The following PLCH2 variants were observed in gnomAD, a reference collection of about 807,000 sequenced individuals.
PLCH2 encodes 1-phosphatidylinositol 4,5-bisphosphate phosphodiesterase eta-2.
A neutral mutation model predicts 134.7 loss-of-function variants in PLCH2; 98 were observed. The observed-to-expected ratio is 0.73, with a 90% CI of 0.62 to 0.86. The LOEUF (loss-of-function observed/expected upper bound fraction) is 0.86. Among genes scored for constraint, PLCH2 ranks in the 40% least tolerant of loss-of-function variants. PLCH2 has a pLI of 0.00. For synonymous variants in PLCH2, 974 were observed against 827.5 expected, an observed-to-expected ratio of 1.18 and a Z score of -3.04; for missense variants, 1,994 against 1,986.6, an observed-to-expected ratio of 1.00 and a Z score of -0.07.
upstream of PLCH2, among the ~76,000 whole-genome samples, chr1:2,473,369 T>C (rs1641435544): frequency 6.6e-6 from 1 of 152,178 alleles, no homozygotes; most frequent in Admixed American, 6.5e-5. Flanking sequence ...CGCATTCCTC[T>C]GCGTGTCACC....
At chr1:2,432,709 CCT>C (rs1639126220) in intron 2 of PLCH2, among the ~76,000 whole-genome samples, 1 of 152,142 alleles carries the variant, frequency 6.6e-6, no homozygotes, top group Non-Finnish European at 1.5e-5. Context: ...GATCCCTGAG[CCT>C]CTCAGTGCCT....
Position 2,479,852 on chromosome 1 carries a change from C to T in PLCH2, c.390C>T (p.Arg130=), listed in dbSNP as rs373322522. The stretch of plus-strand genomic sequence containing the variant: ...TCAGCATCTACCACGGCAGCCACCG[C>T]GAGTCGCTGGACCTGGTCTCCACCA... ...CCFSIYHGSH[R]ESLDLVSTSS... The change falls in exon 3 of 22, where the codon CGC becomes CGT. Residue 130 remains arginine, a synonymous_variant. Coordinates refer to ENST00000378486, the MANE Select transcript of PLCH2 (RefSeq NM_014638.4). 31 of 1,610,668 alleles carry T rather than the reference C, an allele frequency of 1.9e-5. No individual in the cohort carries two copies. The highest frequency in any genetic ancestry group is 1.5e-4 in the Admixed American group (9 of 59,776).
intron 2 of PLCH2, among the ~76,000 whole-genome samples, chr1:2,436,190 TCCTCTGTTTCCTCCTC>T (rs1046023791): frequency 1.7e-5 from 2 of 118,696 alleles, no homozygotes; most frequent in Non-Finnish European, 3.5e-5. Context: ...CCTCCTTCCT[TCCTCTGTTTCCTCCTC>T]CCTCCTTCCT....
At chr1:2,490,490 T>C (rs2100694193) in intron 10 of PLCH2, among the ~76,000 whole-genome samples, 1 of 151,072 alleles carries the variant, frequency 6.6e-6, no homozygotes, top group East Asian at 2.0e-4. Flanking sequence ...GGCGCCGATC[T>C]CCTCTCCTCT....
chr1:2,496,823 C>T lies in PLCH2; in HGVS notation c.1934-5C>T, dbSNP rs1473386985. 5 of 1,611,468 alleles carry T rather than the reference C, an allele frequency of 3.1e-6. No individual in the cohort carries two copies. In the Admixed American group the frequency reaches 8.3e-5, roughly 27 times the overall value. ...CAGTCTGATGCCCGGTCACCGGCGC[C>T]ACAGCGGCGTCCAGCTGGCAGGTGT... is the stretch of plus-strand genomic sequence containing the variant. On this transcript the variant is annotated splice_polypyrimidine_tract_variant and splice_region_variant and intron_variant, in intron 14 of 21. Coordinates refer to ENST00000378486, the MANE Select transcript of PLCH2 (RefSeq NM_014638.4).
intron 1 of PLCH2, among the ~76,000 whole-genome samples, chr1:2,477,818 T>C (rs1297429927): frequency 6.6e-6 from 1 of 152,190 alleles, no homozygotes; most frequent in African/African-American, 2.4e-5. Context: ...CATGGCACCA[T>C]TCGTGGCGCT....
At chr1:2,425,164 CAA>C (rs59406327), upstream of PLCH2, among the ~76,000 whole-genome samples, 14 of 86,484 alleles carry the variant, frequency 1.6e-4, no homozygotes, top group African/African-American at 3.6e-4. Flanking sequence ...CACTCCGTCT[CAA>C]AAAAAAAAAA....
chr1:2,445,947 G>A (rs1320158474), intron 2 of PLCH2, among the ~76,000 whole-genome samples: 7 of 152,202 alleles, frequency 4.6e-5, no homozygotes, highest in African/African-American at 7.2e-5. Context: ...CCACAGTGCC[G>A]TCTGTCCGGG....
chr1:2,453,641 C>T lies in PLCH2; in HGVS notation c.115+23012C>T, dbSNP rs139123865. Among the ~76,000 whole-genome samples the T allele has an allele frequency of 1.7e-3, 256 of 152,342 alleles. 4 individuals carry two copies. Among genetic ancestry groups the T allele is most frequent in the Admixed American group, 0.014 (214 of 15,308 alleles). On this transcript the variant is annotated intron_variant, in intron 2 of 3. Coordinates refer to the PLCH2 transcript ENST00000609981. ...GGGCAGGACCCTCCACCACCCCTTC[C>T]TTCCACCCCCTGTGGAGCAGAGCCC... is the stretch of plus-strand genomic sequence containing the variant.
At position 2,496,588 on chromosome 1, in the gene PLCH2, C is replaced by A. The variant is rs759343666; in HGVS notation, c.1836-19C>A. 2.5e-6 allele frequency: 4 copies of A among 1,596,652 alleles called. No individual in the cohort carries two copies. The highest frequency in any genetic ancestry group is 3.4e-6 in the Non-Finnish European group (4 of 1,171,146). ...TGGCCCTGGACGGGAGGGGTTCTGACCCCCTGCACCTGCCACAGGGCGACC... is the reference window on the plus strand; with the variant it reads ...TGGCCCTGGACGGGAGGGGTTCTGAACCCCTGCACCTGCCACAGGGCGACC... On this transcript the variant is annotated intron_variant, in intron 13 of 21. Coordinates refer to ENST00000378486, the MANE Select transcript of PLCH2 (RefSeq NM_014638.4).
intron 10 of PLCH2, among the ~76,000 whole-genome samples, chr1:2,490,486 G>A (rs867335576): frequency 1.1e-4 from 14 of 130,546 alleles, no homozygotes; most frequent in East Asian, 2.2e-4. Context: ...CGGGGGCGCC[G>A]ATCTCCTCTC....
chr1:2,466,599 C>T (rs1641067590), upstream of PLCH2, among the ~76,000 whole-genome samples: 1 of 152,242 alleles, frequency 6.6e-6, no homozygotes, highest in Non-Finnish European at 1.5e-5. Context: ...CCTGCCTGCC[C>T]TGCCCACATC....
intron 2 of PLCH2, among the ~76,000 whole-genome samples, chr1:2,447,318 A>G (rs968269375): frequency 6.6e-6 from 1 of 152,142 alleles, no homozygotes; most frequent in Admixed American, 6.5e-5. Flanking sequence ...CTCTGCCTTC[A>G]GCTCCTTCTC....
At chr1:2,495,419 C>A (rs935838332) in intron 12 of PLCH2, 69 bp from the exon 13 acceptor site, 4 of 1,356,368 alleles carry the variant, frequency 2.9e-6, no homozygotes, top group Non-Finnish European at 3.1e-6. Flanking sequence ...CCTCCCCAAC[C>A]CCCCAGCCTT....
At chr1:2,465,447 G>A (rs1401067574), upstream of PLCH2, among the ~76,000 whole-genome samples, 5 of 152,280 alleles carry the variant, frequency 3.3e-5, no homozygotes, top group East Asian at 7.7e-4. Context: ...GGGCTCTGGC[G>A]GGCTCACAGC....
chr1:2,488,647 G>A (rs1338881514), intron 8 of PLCH2, among the ~76,000 whole-genome samples: 1 of 152,224 alleles, frequency 6.6e-6, no homozygotes, highest in East Asian at 1.9e-4. Flanking sequence ...AAATGAAGCT[G>A]AAAAGCTTAT....
Position 2,489,319 on chromosome 1 carries a change from A to G in PLCH2, c.1348A>G (p.Ser450Gly). The G allele has an allele frequency of 6.2e-7, 1 of 1,613,880 alleles. No individual in the cohort carries two copies. The highest frequency in any genetic ancestry group is 1.3e-5 in the African/African-American group (1 of 75,068). Residue 450 changes from serine (S) to glycine (G), a missense_variant, in exon 9 of 22, where the codon AGT becomes GGT. Ser to Gly is a moderately conservative substitution (Grantham distance 56). Transcript: ENST00000378486. ...CAAGCTGGACCTGTCATCAGTGAGC[A>G]GTGAAGATGCCACCACACTCCCCTC... is the stretch of plus-strand genomic sequence containing the variant. ...GDKLDLSSVS[S>G]EDATTLPSPQ...
intron 2 of PLCH2, among the ~76,000 whole-genome samples, chr1:2,453,992 G>A (rs1176616230): frequency 6.8e-6 from 1 of 146,598 alleles, no homozygotes; most frequent in Admixed American, 6.7e-5. Flanking sequence ...AGAGCCGAGT[G>A]TGTGGGGGCC....
chr1:2,461,198 G>A (rs1446153524), intron 2 of PLCH2, among the ~76,000 whole-genome samples: 7 of 152,212 alleles, frequency 4.6e-5, no homozygotes, highest in South Asian at 2.1e-4. Context: ...TGCTGCATGC[G>A]GGCACAGAAT....
Sources: gnomAD v4.1 joint callset for allele counts (sites outside exome capture counted in the v4.1 genomes callset) on GRCh38, gnomAD v4.1.1 for gene constraint, MANE v1.5 for transcripts, NCBI Gene and HGNC (gene_info 2026-07-23, HGNC 2026-07-21) for gene names.